Variants in PHACTR4 observed in about 807,000 individuals in gnomAD.
The protein encoded by PHACTR4 is phosphatase and actin regulator 4.
In PHACTR4, 51 loss-of-function variants were observed where a neutral mutation model predicts 72.7. The observed-to-expected ratio is 0.70, with a 90% CI of 0.56 to 0.89. The LOEUF is 0.89. Ranked by LOEUF, PHACTR4 falls within the 40% of genes least tolerant of loss-of-function variation. The pLI, the probability that PHACTR4 is intolerant of heterozygous loss-of-function variation, is 0.00. For synonymous variants in PHACTR4, 255 were observed against 302.5 expected (o/e 0.84, Z 1.63); for missense variants, 731 against 861.8 (o/e 0.85, Z 1.90).
In PHACTR4 at chr1:28,438,465, GA is replaced by G. The variant is rs767821962; in HGVS notation, c.17-20619del. On this transcript the variant is annotated intron_variant, in intron 2 of 13. Transcript: ENST00000373839. ...AGAAGGCAGAGAAACAGAAAATCTT[GA>G]CAGAAGCAAGGCAGATTTACAGGTG... 58 of 1,609,918 alleles carry G rather than the reference GA, an allele frequency of 3.6e-5. 1 individual carries two copies. The highest frequency in any genetic ancestry group is 4.6e-5 in the Non-Finnish European group (54 of 1,177,848).
rs1317376897 is a variant in PHACTR4 at position 28,473,813 on chromosome 1, C to G, written c.1083C>G (p.Phe361Leu). ...CAGAGCCTCCACGCACCCCTCCATTCCCTGCTAAGACTTTTCAAGTTGTGC... is the reference window on the plus strand; with the variant it reads ...CAGAGCCTCCACGCACCCCTCCATTGCCTGCTAAGACTTTTCAAGTTGTGC... ...IPPEPPRTPP[F>L]PAKTFQVVPE... Residue 361 changes from phenylalanine (F) to leucine (L), a missense_variant, in exon 7 of 14, where the codon TTC becomes TTG. Phe to Leu is a conservative substitution (Grantham distance 22). Transcript: ENST00000373839. The G allele has an allele frequency of 1.9e-6, 3 of 1,614,002 alleles. No homozygotes were observed. The African/African-American group carries it at 4.0e-5, about 22-fold the overall frequency.
rs544561130 is a variant in PHACTR4, at chr1:28,396,315, T to A, written c.-38-11095T>A. Among the ~76,000 whole-genome samples the A allele has an allele frequency of 1.8e-4, 28 of 151,870 alleles. No individual in the cohort carries two copies. In the South Asian group the frequency reaches 2.9e-3, roughly 16 times the overall value. ...GGGAGGTCGAGGCAGGCGGATCATTTGAGGTCAGGAGTTCAAGACCAGCCT... is the reference window on the plus strand; with the variant it reads ...GGGAGGTCGAGGCAGGCGGATCATTAGAGGTCAGGAGTTCAAGACCAGCCT... On this transcript the variant is annotated intron_variant, in intron 1 of 13. Coordinates refer to ENST00000373839, the MANE Select transcript of PHACTR4 (RefSeq NM_001048183.3).
intron 13 of PHACTR4, among the ~76,000 whole-genome samples, chr1:28,494,686 C>T (rs1260911916): frequency 2.0e-5 from 3 of 152,114 alleles, no homozygotes; most frequent in Admixed American, 1.3e-4. Context: ...TTAAGCAAGA[C>T]GATGGGAGAG....
chr1:28,407,368 C>A, intron 1 of PHACTR4, 42 bp from the exon 2 acceptor site: 1 of 1,067,336 alleles, frequency 9.4e-7, no homozygotes, highest in African/African-American at 1.6e-5. Flanking sequence ...AGGTGATGGA[C>A]TATATGTATT....
At chr1:28,463,431 C>G (rs1487329229) in intron 4 of PHACTR4, among the ~76,000 whole-genome samples, 2 of 152,136 alleles carry the variant, frequency 1.3e-5, no homozygotes, top group Non-Finnish European at 2.9e-5. Context: ...TAACTGATCA[C>G]TTTTGCATGT....
intron 2 of PHACTR4, among the ~76,000 whole-genome samples, chr1:28,430,778 T>G (rs1480596603): frequency 2.0e-5 from 3 of 152,186 alleles, no homozygotes; most frequent in Non-Finnish European, 4.4e-5. Flanking sequence ...ATTAAAATAG[T>G]CAATAGCTGA....
At position 28,498,949 on chromosome 1, in the gene PHACTR4, T is replaced by C. The variant is rs530144740; in HGVS notation, c.*2400T>C. On this transcript the variant is annotated 3_prime_UTR_variant, in exon 14 of 14. Coordinates refer to ENST00000373839, the MANE Select transcript of PHACTR4 (RefSeq NM_001048183.3). ...CTGGCGTGGTGGCACGCATCTGTAA[T>C]CCCAACTACTCAGGACGCTGAGGCA... is the stretch of plus-strand genomic sequence containing the variant. 11 of 149,992 alleles carry C rather than the reference T, an allele frequency of 7.3e-5. No homozygotes were observed. The highest frequency in any genetic ancestry group is 2.7e-4 in the African/African-American group (11 of 40,824). 9.3% of individuals were successfully genotyped at this position (149,992 alleles called of 1,614,324 possible).
chr1:28,459,014 G>GA, intron 2 of PHACTR4, 71 bp from the exon 3 acceptor site: 5 of 1,388,192 alleles, frequency 3.6e-6, no homozygotes, highest in African/African-American at 1.4e-5. Flanking sequence ...GAAGAGAGGG[G>GA]AAGGGACATT....
chr1:28,465,951 T>C (rs752022768), intron 5 of PHACTR4, 102 bp downstream of exon 5: 262 of 1,199,142 alleles, frequency 2.2e-4, no homozygotes, highest in Non-Finnish European at 2.9e-4. Context: ...CTAGAGAGAA[T>C]TACATTCTCC....
intron 2 of PHACTR4, among the ~76,000 whole-genome samples, chr1:28,455,222 A>T (rs1222192617): frequency 2.6e-5 from 2 of 78,368 alleles, no homozygotes; most frequent in Admixed American, 3.1e-4. Flanking sequence ...TTTTTTTGAG[A>T]CAGAGTTTTG....
intron 11 of PHACTR4, among the ~76,000 whole-genome samples, chr1:28,491,303 T>A (rs75774238): frequency 0.02 from 3,016 of 150,560 alleles, 117 homozygotes; most frequent in African/African-American, 0.07. Context: ...CAAAAAAAAA[T>A]ATATATTAGC....
chr1:28,456,916 CAGATAGATAGAT>C (rs67017920), intron 2 of PHACTR4, among the ~76,000 whole-genome samples: 22,237 of 150,796 alleles, frequency 0.15, 2,367 homozygotes, highest in African/African-American at 0.31. Flanking sequence ...GATAGAGAGA[CAGATAGATAGAT>C]AGATAGATAG....
chr1:28,372,796 G>A (rs1280995304), intron 1 of PHACTR4, among the ~76,000 whole-genome samples: 5 of 150,578 alleles, frequency 3.3e-5, no homozygotes, highest in African/African-American at 4.9e-5. Context: ...AGGTTACAGC[G>A]AGCTGAGATT....
At position 28,491,220 on chromosome 1, in the gene PHACTR4, A is replaced by G. The variant is rs113960565; in HGVS notation, c.1878+208A>G. 8.6e-4 allele frequency among the ~76,000 whole-genome samples: 130 copies of G among 150,860 alleles called. No homozygotes were observed. In the East Asian group the frequency reaches 0.016, roughly 18 times the overall value. On this transcript the variant is annotated intron_variant, in intron 11 of 13. Transcript: ENST00000373839. ...CTTGTGTCTACATTAAAAAAAAAAAAAAGAAGAAGAAAGAAAAGAAAAAGA... is the reference window on the plus strand; with the variant it reads ...CTTGTGTCTACATTAAAAAAAAAAAGAAGAAGAAGAAAGAAAAGAAAAAGA...
chr1:28,459,367 G>A (rs1425977561), intron 3 of PHACTR4, 109 bp downstream of exon 3: 3 of 806,464 alleles, frequency 3.7e-6, no homozygotes, highest in Admixed American at 6.0e-5. Flanking sequence ...TTTGAAGAGG[G>A]TATTTAATGT....
chr1:28,392,070 T>C (rs1367242743), intron 1 of PHACTR4, among the ~76,000 whole-genome samples: 1 of 152,204 alleles, frequency 6.6e-6, no homozygotes, highest in Non-Finnish European at 1.5e-5. Flanking sequence ...ACAGTTTTGC[T>C]TTCTGTGGTT....
chr1:28,453,600 T>C (rs960549271), intron 2 of PHACTR4: 78 of 1,101,554 alleles, frequency 7.1e-5, no homozygotes, highest in Non-Finnish European at 1.0e-4. Flanking sequence ...GATGCATTTC[T>C]GACCTTCTAC....
At chr1:28,393,411 A>C (rs2124203880) in intron 1 of PHACTR4, among the ~76,000 whole-genome samples, 1 of 152,298 alleles carries the variant, frequency 6.6e-6, no homozygotes, top group East Asian at 1.9e-4. Context: ...CACTTCTGTC[A>C]ATGCTGGACT....
rs1448662255 is a variant in PHACTR4 at position 28,480,454 on chromosome 1, C to T, written c.1610C>T (p.Ala537Val). 3.1e-6 allele frequency: 5 copies of T among 1,613,850 alleles called. No individual in the cohort carries two copies. The highest frequency in any genetic ancestry group is 3.3e-5 in the Admixed American group (2 of 59,972). Residue 537 changes from alanine (A) to valine (V), a missense_variant, in exon 9 of 14, where the codon GCT (alanine) becomes GTT (valine). Around this residue, in one of 2 missense-constraint regions of PHACTR4, gnomAD observed 621 missense variants for 676.6 expected, o/e 0.92. Coordinates refer to ENST00000373839, the MANE Select transcript of PHACTR4 (RefSeq NM_001048183.3). ...EEDEDESYQS[A>V]LANKVKRKDT... is the part of the protein sequence containing the mutation. Reference sequence around the variant, plus strand: ...TTTTTCTTCCCCGTGTGCAAAGGTGCTCTCGCCAACAAAGTGAAGAGGAAA... The same window carrying T: ...TTTTTCTTCCCCGTGTGCAAAGGTGTTCTCGCCAACAAAGTGAAGAGGAAA...
Sources: gnomAD v4.1 joint callset for allele counts (sites outside exome capture counted in the v4.1 genomes callset) on GRCh38, gnomAD v4.1.1 for gene constraint, gnomAD v4.1.1 regional missense constraint, MANE v1.5 for transcripts, NCBI Gene and HGNC (gene_info 2026-07-23, HGNC 2026-07-21) for gene names.